AHCTF1: variants seen among roughly 807,000 people sequenced by gnomAD.
AHCTF1 encodes protein ELYS.
Under a neutral mutation model 248.4 loss-of-function variants are expected in AHCTF1, and 24 were observed. The observed-to-expected ratio is 0.10, with a 90% confidence interval of 0.07 to 0.14. The LOEUF is 0.14. Among genes scored for constraint, AHCTF1 ranks in the 10% least tolerant of loss-of-function variants. The pLI is 1.00. For synonymous variants in AHCTF1, 786 were observed against 929.8 expected, an observed-to-expected ratio of 0.85 and a Z score of 2.81; for missense variants, 2,206 against 2,636.2, an observed-to-expected ratio of 0.84 and a Z score of 3.57.
At position 246,909,885 on chromosome 1, in the gene AHCTF1, AAC is replaced by A. The variant is rs1665679228; in HGVS notation, c.557-2129_557-2128del. 3.3e-5 allele frequency among the ~76,000 whole-genome samples: 5 copies of A among 152,316 alleles called. No homozygotes were observed. In the South Asian group the frequency reaches 1.0e-3, roughly 32 times the overall value. ...ACTAGTAGCAAGTAGCACCAGCAGT[AAC>A]AATCAAAAATGTCTTCTAACATTGC... On this transcript the variant is annotated intron_variant, in intron 4 of 35. Transcript: ENST00000648844.
rs542305190 is a variant in AHCTF1, at chr1:246,843,905, G to C, written c.6415C>G (p.Gln2139Glu). The change falls in exon 34 of 36, where the codon CAG becomes GAG. Residue 2139 changes from glutamine to glutamate, a missense_variant. By Grantham distance (29) the Gln-to-Glu change is conservative. This residue lies in a region of AHCTF1 where 469 missense variants were observed against 470.0 expected (regional missense o/e 1.00). Transcript: ENST00000648844. ...AAATCCGAAACTAATTCTTTCAGCTGTGCAGGAACCTCTATTTTTTTAGCT... is the reference window on the plus strand; with the variant it reads ...AAATCCGAAACTAATTCTTTCAGCTCTGCAGGAACCTCTATTTTTTTAGCT... ...AKAKKIEVPA[Q>E]LKELVSDLSS... 6.8e-7 allele frequency: 1 copy of C among 1,478,926 alleles called. No individual in the cohort carries two copies. Among genetic ancestry groups the C allele is most frequent in the Non-Finnish European group, 9.0e-7 (1 of 1,114,002 alleles). The allele number at this position is 1,478,926 out of a possible 1,614,324, so 91.6% of individuals were successfully genotyped here.
At chr1:246,905,021 A>G (rs1479299826) in intron 6 of AHCTF1, among the ~76,000 whole-genome samples, 2 of 152,238 alleles carry the variant, frequency 1.3e-5, no homozygotes, top group Non-Finnish European at 2.9e-5. Context: ...AAAAACATTC[A>G]AGTAAGTCCG....
chr1:246,858,176 G>C (rs1206561657), intron 29 of AHCTF1, among the ~76,000 whole-genome samples: 1 of 151,752 alleles, frequency 6.6e-6, no homozygotes, highest in Non-Finnish European at 1.5e-5. Flanking sequence ...AGCCAGGATG[G>C]TCTCGATCTC....
At chr1:246,870,598 A>T (rs748860563) in intron 24 of AHCTF1, among the ~76,000 whole-genome samples, 1 of 152,076 alleles carries the variant, frequency 6.6e-6, no homozygotes, top group African/African-American at 2.4e-5. Flanking sequence ...GGATTATAGG[A>T]ATTTTACATT....
Position 246,887,317 on chromosome 1 carries a change from T to C in AHCTF1, c.2366A>G (p.Asn789Ser), listed in dbSNP as rs777322500. 4 of 1,613,158 alleles carry C rather than the reference T, an allele frequency of 2.5e-6. No individual in the cohort carries two copies. Among genetic ancestry groups the C allele is most frequent in the Middle Eastern group, 1.7e-4 (1 of 6,054 alleles). ...AGATTCAATGGGAGTGTCTGTTTTG[T>C]TGGGAAAGGAATACATAATATCAAG... ...LLLDIMYSFPNKTDTPIESFP... is the reference protein window; with the variant it reads ...LLLDIMYSFPSKTDTPIESFP... The change falls in exon 20 of 36, where the codon AAC becomes AGC. Residue 789 changes from asparagine (N) to serine (S), a missense_variant. Physicochemically the swap from Asn to Ser is conservative, Grantham distance 46. Around this residue, in one of 6 missense-constraint regions of AHCTF1, gnomAD observed 650 missense variants for 870.8 expected, o/e 0.75. Transcript: ENST00000648844.
At position 246,901,114 on chromosome 1, in the gene AHCTF1, AG is replaced by A. The variant is rs371714111; in HGVS notation, c.1118-646del. 2.5e-3 allele frequency among the ~76,000 whole-genome samples: 384 copies of A among 152,036 alleles called. 1 individual carries two copies. The highest frequency in any genetic ancestry group is 7.8e-3 in the African/African-American group (322 of 41,476). ...CAGCACTTTGGAAGGCCAGGTGGGC[AG>A]ATCAATTGAGCCCAGAAATTCGAGA... On this transcript the variant is annotated intron_variant, in intron 8 of 35. Coordinates refer to ENST00000648844, the MANE Select transcript of AHCTF1 (RefSeq NM_001323342.2).
At position 246,900,225 on chromosome 1, in the gene AHCTF1, A is replaced by C; in HGVS notation, c.1272T>G (p.Asn424Lys). The change falls in exon 10 of 36, where the codon AAT becomes AAG. Residue 424 changes from asparagine (N) to lysine (K), a missense_variant. Physicochemically the swap from Asn to Lys is moderately conservative, Grantham distance 94 (BLOSUM62 0). This residue lies in a region of AHCTF1 where 650 missense variants were observed against 870.8 expected (regional missense o/e 0.75). Transcript: ENST00000648844. ...ATGACCACAGTGCAAAATAAGAGCA[A>C]TTATGTAGATATTCTCCTGACCTAA... is the stretch of plus-strand genomic sequence containing the variant. ...DSLRSGEYLH[N>K]CSYFALWSLE... The C allele has an allele frequency of 6.3e-7, 1 of 1,593,410 alleles. No individual in the cohort carries two copies. The highest frequency in any genetic ancestry group is 8.5e-7 in the Non-Finnish European group (1 of 1,174,114).
chr1:246,852,659 A>C (rs939774345), intron 32 of AHCTF1, among the ~76,000 whole-genome samples: 1 of 152,196 alleles, frequency 6.6e-6, no homozygotes, highest in African/African-American at 2.4e-5. Flanking sequence ...TTATGACTAA[A>C]AAAACCTTTC....
At chr1:246,926,430 T>A (rs1371976833) in intron 1 of AHCTF1, among the ~76,000 whole-genome samples, 1 of 152,232 alleles carries the variant, frequency 6.6e-6, no homozygotes, top group Non-Finnish European at 1.5e-5. Flanking sequence ...TCATGGTGCC[T>A]AGCACAAAGG....
chr1:246,894,515 CCTGGCG>C (rs1664430347), intron 14 of AHCTF1, 138 bp downstream of exon 14: 1 of 674,288 alleles, frequency 1.5e-6, no homozygotes, highest in Non-Finnish European at 2.5e-6. Context: ...TGCACTATAG[CCTGGCG>C]ACAGAGCAAG....
At chr1:246,921,361 C>T (rs865959680) in intron 1 of AHCTF1, among the ~76,000 whole-genome samples, 1 of 151,998 alleles carries the variant, frequency 6.6e-6, no homozygotes, top group Admixed American at 6.6e-5. Context: ...TTCACTGCAC[C>T]GTGATCTTCT....
intron 24 of AHCTF1, among the ~76,000 whole-genome samples, chr1:246,875,344 G>A (rs1250243843): frequency 6.6e-6 from 1 of 152,102 alleles, no homozygotes; most frequent in Non-Finnish European, 1.5e-5. Context: ...ATCCTCCCCG[G>A]TGTTGTCCTC....
At chr1:246,876,618 C>T (rs1662985170) in intron 23 of AHCTF1, among the ~76,000 whole-genome samples, 1 of 152,140 alleles carries the variant, frequency 6.6e-6, no homozygotes, top group Non-Finnish European at 1.5e-5. Context: ...TACTATATAA[C>T]CCTTACTGCT....
rs140249572 is a variant in AHCTF1 at position 246,889,626 on chromosome 1, A to G, written c.2144+340T>C. ...TAAAGTACTGATTCCCAGGTGATTC[A>G]GGTGTAAGAAACCTGGAATCAACGT... On this transcript the variant is annotated intron_variant, in intron 17 of 35. Transcript: ENST00000648844. 1.5e-3 allele frequency among the ~76,000 whole-genome samples: 222 copies of G among 152,194 alleles called. 1 individual carries two copies. The highest frequency in any genetic ancestry group is 0.01 in the Middle Eastern group (3 of 294).
chr1:246,876,507 T>C (rs1662976397), intron 23 of AHCTF1, among the ~76,000 whole-genome samples: 1 of 152,168 alleles, frequency 6.6e-6, no homozygotes, highest in African/African-American at 2.4e-5. Flanking sequence ...CACAAGGAGA[T>C]TTTATCATTT....
chr1:246,919,831 A>T (rs770489601), intron 1 of AHCTF1, among the ~76,000 whole-genome samples: 4 of 152,082 alleles, frequency 2.6e-5, no homozygotes, highest in Non-Finnish European at 4.4e-5. Flanking sequence ...GAATTCTCAA[A>T]GTTAAAGCAA....
intron 1 of AHCTF1, 132 bp from the exon 2 acceptor site, chr1:246,918,509 A>G (rs1006259327): frequency 1.5e-5 from 14 of 933,276 alleles, no homozygotes; most frequent in Non-Finnish European, 1.8e-5. Context: ...TACAAAATAC[A>G]TATTGGCCAG....
chr1:246,914,208 GTATGA>G (rs2103218152), intron 3 of AHCTF1, among the ~76,000 whole-genome samples: 1 of 152,110 alleles, frequency 6.6e-6, no homozygotes, highest in South Asian at 2.1e-4. Context: ...AATTAATTAG[GTATGA>G]TATATGATAA....
chr1:246,919,382 T>C (rs1666361438), intron 1 of AHCTF1, among the ~76,000 whole-genome samples: 1 of 152,182 alleles, frequency 6.6e-6, no homozygotes, highest in South Asian at 2.1e-4. Context: ...TTTTCTTTCA[T>C]ACAAATGTGT....
Sources: gnomAD v4.1 joint callset for allele counts (sites outside exome capture counted in the v4.1 genomes callset) on GRCh38, gnomAD v4.1.1 for gene constraint, gnomAD v4.1.1 regional missense constraint, MANE v1.5 for transcripts, NCBI Gene and HGNC (gene_info 2026-07-23, HGNC 2026-07-21) for gene names.